Variants in SPIDR observed in about 807,000 individuals in gnomAD.
The protein encoded by SPIDR is DNA repair-scaffolding protein.
In SPIDR, 93 loss-of-function variants were observed where a neutral mutation model predicts 104.6. The ratio of observed to expected loss-of-function variants is 0.89; its 90% CI spans 0.75 to 1.06. SPIDR has a LOEUF of 1.06. Among genes scored for constraint, SPIDR ranks in the 50% least tolerant of loss-of-function variants. SPIDR has a pLI of 0.00. For missense variants in SPIDR, 1,154 were observed against 1,111.2 expected (o/e 1.04, Z -0.55); for synonymous variants, 431 against 416.9 (o/e 1.03, Z -0.41).
intron 8 of SPIDR, among the ~76,000 whole-genome samples, chr8:47,539,859 T>C (rs765123238): frequency 6.6e-5 from 10 of 152,194 alleles, no homozygotes; most frequent in African/African-American, 2.4e-4. Flanking sequence ...GGTTCCTCTC[T>C]CTCCATGGTG....
chr8:47,346,602 T>G (rs2052108679), intron 5 of SPIDR, among the ~76,000 whole-genome samples: 1 of 152,196 alleles, frequency 6.6e-6, no homozygotes, highest in Non-Finnish European at 1.5e-5. Context: ...GGTCCTGGAC[T>G]TTTTTTGCTT....
chr8:47,521,439 TC>T (rs1318301780), intron 8 of SPIDR, among the ~76,000 whole-genome samples: 1 of 151,630 alleles, frequency 6.6e-6, no homozygotes, highest in East Asian at 1.9e-4. Flanking sequence ...GATTTTTTTT[TC>T]TTTTTTTTTT....
At position 47,270,897 on chromosome 8, in the gene SPIDR, A is replaced by C. The variant is rs1191619070; in HGVS notation, c.34-8965A>C. On this transcript the variant is annotated intron_variant, in intron 1 of 19. Coordinates refer to ENST00000297423, the MANE Select transcript of SPIDR (RefSeq NM_001080394.4). The stretch of plus-strand genomic sequence containing the variant: ...ATTTTTATTGTAAGGTTTAAATTTC[A>C]TTCTATTATTGTCTAAGAACAGTAT... Among the ~76,000 whole-genome samples, 4 of 151,960 alleles carry C rather than the reference A, an allele frequency of 2.6e-5. No individual in the cohort carries two copies. The East Asian group carries it at 7.7e-4, about 29-fold the overall frequency.
intron 5 of SPIDR, among the ~76,000 whole-genome samples, chr8:47,311,534 C>G (rs1250084224): frequency 6.6e-6 from 1 of 152,074 alleles, no homozygotes; most frequent in Non-Finnish European, 1.5e-5. Flanking sequence ...GACAAAAAAT[C>G]CTGCCTAGTT....
At chr8:47,665,020 G>A (rs924553428) in intron 10 of SPIDR, among the ~76,000 whole-genome samples, 10 of 152,098 alleles carry the variant, frequency 6.6e-5, no homozygotes, top group Middle Eastern at 3.4e-3. Flanking sequence ...ATGAGAGTGC[G>A]AGAGAGAGAG....
intron 6 of SPIDR, among the ~76,000 whole-genome samples, chr8:47,404,418 A>C (rs540719594): frequency 6.6e-6 from 1 of 152,374 alleles, no homozygotes; most frequent in South Asian, 2.1e-4. Flanking sequence ...CAGGCAACCT[A>C]CAAAATGGGA....
chr8:47,549,377 G>A (rs561855234), intron 8 of SPIDR, among the ~76,000 whole-genome samples: 4 of 152,170 alleles, frequency 2.6e-5, no homozygotes, highest in Non-Finnish European at 5.9e-5. Context: ...CTAGTTTACA[G>A]TCCCACCAAC....
At chr8:47,280,848 C>T (rs1198752074) in intron 2 of SPIDR, among the ~76,000 whole-genome samples, 3 of 152,164 alleles carry the variant, frequency 2.0e-5, no homozygotes, top group African/African-American at 7.2e-5. Flanking sequence ...CACACCTGAA[C>T]CTCTTTAATC....
At chr8:47,485,941 GCCTGTCCC>G (rs2077542527) in intron 8 of SPIDR, among the ~76,000 whole-genome samples, 1 of 152,178 alleles carries the variant, frequency 6.6e-6, no homozygotes, top group Admixed American at 6.5e-5. Flanking sequence ...AAATCAGAGC[GCCTGTCCC>G]CCTCTAAAGG....
At chr8:47,455,589 TAAAAC>T (rs1170532021) in intron 8 of SPIDR, among the ~76,000 whole-genome samples, 44 of 152,132 alleles carry the variant, frequency 2.9e-4, no homozygotes, top group East Asian at 1.4e-3. Flanking sequence ...GTAGAAAAGA[TAAAAC>T]AAAACAAGAA....
intron 8 of SPIDR, among the ~76,000 whole-genome samples, chr8:47,585,375 T>G (rs1219777096): frequency 6.6e-6 from 1 of 152,224 alleles, no homozygotes; most frequent in African/African-American, 2.4e-5. Context: ...GTGGGATGAT[T>G]GAGAGGAATG....
chr8:47,649,318 A>G (rs889133792), intron 10 of SPIDR, among the ~76,000 whole-genome samples: 5 of 152,168 alleles, frequency 3.3e-5, no homozygotes, highest in African/African-American at 1.2e-4. Flanking sequence ...ATTTTTACCA[A>G]TGATAGATCA....
intron 7 of SPIDR, among the ~76,000 whole-genome samples, chr8:47,414,584 TTTAA>T (rs1554673950): frequency 6.6e-6 from 1 of 152,194 alleles, no homozygotes; most frequent in African/African-American, 2.4e-5. Context: ...TTGGGGAGTA[TTTAA>T]TTACCCCACA....
rs574456458 is a variant in SPIDR, at chr8:47,591,895, C to CG, written c.1098-3909dup. Among the ~76,000 whole-genome samples, 314 of 150,976 alleles carry CG rather than the reference C, an allele frequency of 2.1e-3. 2 individuals carry two copies. The highest frequency in any genetic ancestry group is 7.1e-3 in the African/African-American group (291 of 41,014). ...ATGGGGGAAGTAAATAGAAACGGGG[C>CG]GGGGGGGCACTGCTTTTAAACGTTT... is the stretch of plus-strand genomic sequence containing the variant. On this transcript the variant is annotated intron_variant, in intron 8 of 19. Coordinates refer to ENST00000297423, the MANE Select transcript of SPIDR (RefSeq NM_001080394.4).
chr8:47,466,099 A>G (rs2074729514), intron 8 of SPIDR, among the ~76,000 whole-genome samples: 1 of 152,158 alleles, frequency 6.6e-6, no homozygotes, highest in Non-Finnish European at 1.5e-5. Context: ...CCCACTGACA[A>G]TATTAAACAG....
intron 8 of SPIDR, among the ~76,000 whole-genome samples, chr8:47,521,091 A>G (rs775750930): frequency 2.0e-5 from 3 of 152,122 alleles, no homozygotes; most frequent in Non-Finnish European, 2.9e-5. Flanking sequence ...GTCTGTCAAT[A>G]GAGAGGCTCC....
chr8:47,485,668 C>T (rs550503106), intron 8 of SPIDR, among the ~76,000 whole-genome samples: 2 of 152,214 alleles, frequency 1.3e-5, no homozygotes, highest in African/African-American at 2.4e-5. Flanking sequence ...TCCAGAGGAA[C>T]GATCAGGCAG....
At chr8:47,262,386 C>G (rs1486337246) in intron 1 of SPIDR, among the ~76,000 whole-genome samples, 7 of 152,034 alleles carry the variant, frequency 4.6e-5, no homozygotes, top group African/African-American at 1.7e-4. Flanking sequence ...TTGCTGAAAA[C>G]TGAAGCAGTT....
intron 8 of SPIDR, among the ~76,000 whole-genome samples, chr8:47,566,981 C>T (rs530186095): frequency 6.6e-6 from 1 of 152,216 alleles, no homozygotes; most frequent in African/African-American, 2.4e-5. Context: ...TTTGGTCAAA[C>T]TCTAATATAT....
Sources: gnomAD v4.1 joint callset for allele counts (sites outside exome capture counted in the v4.1 genomes callset) on GRCh38, gnomAD v4.1.1 for gene constraint, MANE v1.5 for transcripts, NCBI Gene and HGNC (gene_info 2026-07-23, HGNC 2026-07-21) for gene names.